The following DOCK8 variants were observed in gnomAD, a reference collection of about 807,000 sequenced individuals.
DOCK8 encodes dedicator of cytokinesis 8.
Under a neutral mutation model 245.6 loss-of-function variants are expected in DOCK8, and 141 were observed. That is an observed-to-expected ratio of 0.57 (90% CI 0.50 to 0.66). The LOEUF (loss-of-function observed/expected upper bound fraction) is 0.66, where lower values mean the gene tolerates loss of function less well. Among genes scored for constraint, DOCK8 ranks in the 30% least tolerant of loss-of-function variants. The pLI, the probability that DOCK8 is intolerant of heterozygous loss-of-function variation, is 0.00. For missense variants in DOCK8, 2,965 were observed against 2,603.4 expected (o/e 1.14, Z -3.02); for synonymous variants, 1,168 against 970.2 (o/e 1.20, Z -3.79).
intron 20 of DOCK8, 87 bp from the exon 21 acceptor site, chr9:379,684 C>T (rs1241071718): frequency 6.8e-7 from 1 of 1,464,738 alleles, no homozygotes; most frequent in African/African-American, 1.4e-5. Flanking sequence ...GCGGTCAGGA[C>T]TCATTGTCAC....
intron 46 of DOCK8, chr9:452,410 C>T (rs2057498331): frequency 5.0e-6 from 1 of 200,500 alleles, no homozygotes; most frequent in East Asian, 1.2e-4. Flanking sequence ...TTGTGGCTAG[C>T]ATCCCGTGTG....
rs2048840672 is a variant in DOCK8, at chr9:286,750, C to G, written c.332+114C>G. On this transcript the variant is annotated intron_variant, in intron 3 of 47. Transcript: ENST00000432829. The stretch of plus-strand genomic sequence containing the variant: ...TAAAAATAAAATAAAATTACTCAAT[C>G]CATTCAAATGTGTGGGACAGCTATA... 3 of 1,007,932 alleles carry G rather than the reference C, an allele frequency of 3.0e-6. No individual in the cohort carries two copies. In the South Asian group the frequency reaches 4.0e-5, roughly 14 times the overall value. The allele number at this position is 1,007,932 out of a possible 1,614,324, so 62.4% of individuals were successfully genotyped here.
intron 29 of DOCK8, among the ~76,000 whole-genome samples, chr9:416,077 A>G (rs569884510): frequency 6.6e-6 from 1 of 152,182 alleles, no homozygotes; most frequent in African/African-American, 2.4e-5. Context: ...GCAAACTGCT[A>G]ATGGAGTAAC....
At chr9:455,539 G>C (rs1234188717) in intron 46 of DOCK8, among the ~76,000 whole-genome samples, 3 of 152,040 alleles carry the variant, frequency 2.0e-5, no homozygotes, top group East Asian at 1.9e-4. Context: ...TGCAGATTCT[G>C]ATTCAGTAGG....
chr9:231,919 A>T (rs1487697732), intron 1 of DOCK8, among the ~76,000 whole-genome samples: 3 of 152,258 alleles, frequency 2.0e-5, no homozygotes, highest in East Asian at 1.9e-4. Flanking sequence ...CCCTGGCCAG[A>T]ACTTCCAACA....
At chr9:306,556 G>C (rs1322433636) in intron 5 of DOCK8, among the ~76,000 whole-genome samples, 2 of 152,124 alleles carry the variant, frequency 1.3e-5, no homozygotes, top group African/African-American at 2.4e-5. Context: ...GAAAAATGGA[G>C]GCTATCCTAA....
chr9:416,537 A>G (rs528218293), intron 29 of DOCK8, among the ~76,000 whole-genome samples: 18 of 152,326 alleles, frequency 1.2e-4, no homozygotes, highest in Admixed American at 3.3e-4. Flanking sequence ...GATGTAGCTG[A>G]TGAGAGAAAA....
In DOCK8 at chr9:399,235, C is replaced by A. The variant is rs766441473; in HGVS notation, c.3210C>A (p.Asn1070Lys). Residue 1070 changes from asparagine (N) to lysine (K), a missense_variant, in exon 26 of 48, where the codon AAC (asparagine) becomes AAA (lysine). By Grantham distance (94) the Asn-to-Lys change is moderately conservative. Around this residue, in one of 3 missense-constraint regions of DOCK8, gnomAD observed 2,825 missense variants for 2,453.5 expected, o/e 1.15. Transcript: ENST00000432829. ...LSLMDRGFVF[N>K]LIRHYCSQLS... ...TCATGGATCGGGGCTTTGTGTTTAA[C>A]CTCATCAGACATTATTGCAGCCAGG... 6.2e-7 allele frequency: 1 copy of A among 1,613,884 alleles called. No individual in the cohort carries two copies. Among genetic ancestry groups the A allele is most frequent in the South Asian group, 1.1e-5 (1 of 91,062 alleles).
chr9:336,464 G>GC, intron 11 of DOCK8, 118 bp from the exon 12 acceptor site: 1 of 1,358,760 alleles, frequency 7.4e-7, no homozygotes, highest in South Asian at 1.2e-5. Flanking sequence ...TCAAAACAAG[G>GC]ATGGCCATAT....
At chr9:214,480 A>G (rs756863407), upstream of DOCK8, 5 of 1,587,262 alleles carry the variant, frequency 3.2e-6, no homozygotes, top group Non-Finnish European at 3.4e-6. Flanking sequence ...TTCTTCGAGA[A>G]TGGTGTCAAC....
chr9:299,128 G>A (rs908789415), intron 4 of DOCK8, among the ~76,000 whole-genome samples: 6 of 152,034 alleles, frequency 3.9e-5, no homozygotes, highest in Admixed American at 3.9e-4. Flanking sequence ...ACTTTGAGTT[G>A]GTTTTTGTCC....
chr9:378,947 C>G (rs2053627127), intron 20 of DOCK8, among the ~76,000 whole-genome samples: 1 of 152,166 alleles, frequency 6.6e-6, no homozygotes, highest in African/African-American at 2.4e-5. Context: ...CACTTGAGCC[C>G]TGTACTGTGT....
chr9:241,760 A>G (rs575181902), intron 1 of DOCK8, among the ~76,000 whole-genome samples: 1 of 152,284 alleles, frequency 6.6e-6, no homozygotes, highest in Non-Finnish European at 1.5e-5. Flanking sequence ...GCTAGATCAT[A>G]TGGTAGTTCT....
At chr9:348,273 T>C (rs574338026) in intron 14 of DOCK8, among the ~76,000 whole-genome samples, 1 of 152,306 alleles carries the variant, frequency 6.6e-6, no homozygotes, top group East Asian at 1.9e-4. Flanking sequence ...TTGTCTCATA[T>C]GTAAACCACA....
chr9:272,940 T>C (rs1295025815), intron 2 of DOCK8: 23 of 668,474 alleles, frequency 3.4e-5, no homozygotes, highest in Non-Finnish European at 4.3e-5. Context: ...TTGCTGGTTC[T>C]GCTGCTTATC....
In DOCK8 at chr9:298,044, A is replaced by G. The variant is rs191381202; in HGVS notation, c.405-6537A>G. On this transcript the variant is annotated intron_variant, in intron 4 of 47. Transcript: ENST00000432829. ...TAACAAAATGGAAGACAGAAAAGAA[A>G]GCAAGCATCATTTGTGTACAATAGC... Among the ~76,000 whole-genome samples the G allele has an allele frequency of 3.3e-3, 498 of 152,370 alleles. 6 individuals carry two copies. Among genetic ancestry groups the G allele is most frequent in the African/African-American group, 0.011 (469 of 41,576 alleles).
intron 36 of DOCK8, among the ~76,000 whole-genome samples, chr9:431,282 C>G (rs924673808): frequency 1.9e-4 from 29 of 152,076 alleles, no homozygotes; most frequent in African/African-American, 7.0e-4. Flanking sequence ...TTTGGAATTT[C>G]CATTTGTGGC....
At chr9:395,209 C>A (rs1214368064) in intron 24 of DOCK8, among the ~76,000 whole-genome samples, 1 of 152,042 alleles carries the variant, frequency 6.6e-6, no homozygotes, top group Non-Finnish European at 1.5e-5. Flanking sequence ...AAGAGGATGC[C>A]GCCATGAGGA....
chr9:355,192 CTTTTTTTTTTTTTTTTTT>C (rs749045514), intron 14 of DOCK8, among the ~76,000 whole-genome samples: 1 of 121,090 alleles, frequency 8.3e-6, no homozygotes, highest in African/African-American at 3.3e-5. Context: ...TGTTTCTTTT[CTTTTTTTTTTTTTTTTTT>C]TTTTTTTTTT....
Sources: allele counts gnomAD v4.1 joint callset (sites outside exome capture counted in the v4.1 genomes callset), GRCh38; gene constraint gnomAD v4.1.1; regional missense constraint gnomAD v4.1.1; transcripts MANE v1.5; gene names NCBI Gene and HGNC (gene_info 2026-07-23, HGNC 2026-07-21).